EYS: variants seen among roughly 807,000 people sequenced by gnomAD.
EYS encodes protein eyes shut homolog.
EYS carries 250 observed loss-of-function variants against 282.1 expected under a neutral mutation model. The ratio of observed to expected loss-of-function variants is 0.89; its 90% CI spans 0.80 to 0.98. The LOEUF is 0.98. Among genes scored for constraint, EYS ranks in the 50% least tolerant of loss-of-function variants. The pLI, the probability that EYS is intolerant of heterozygous loss-of-function variation, is 0.00. For synonymous variants in EYS, 1,355 were observed against 1,282.9 expected (o/e 1.06, Z -1.20); for missense variants, 4,016 against 3,709.0 (o/e 1.08, Z -2.15).
chr6:64,419,892 A>G (rs1187425242), intron 28 of EYS, among the ~76,000 whole-genome samples: 1 of 152,178 alleles, frequency 6.6e-6, no homozygotes, highest in African/African-American at 2.4e-5. Flanking sequence ...TCTGGAGAAC[A>G]GTGTCTTTCT....
intron 26 of EYS, among the ~76,000 whole-genome samples, chr6:64,452,809 T>C (rs1215413964): frequency 1.3e-5 from 2 of 152,134 alleles, no homozygotes; most frequent in African/African-American, 2.4e-5. Context: ...TAGCCATATG[T>C]AGAAAGCTGA....
At chr6:64,195,951 C>A (rs1301361207) in intron 31 of EYS, among the ~76,000 whole-genome samples, 1 of 152,134 alleles carries the variant, frequency 6.6e-6, no homozygotes, top group Non-Finnish European at 1.5e-5. Context: ...TCAGAGTGAA[C>A]AGGCACCCTA....
chr6:64,154,880 T>C (rs2150297016), intron 31 of EYS, among the ~76,000 whole-genome samples: 1 of 152,324 alleles, frequency 6.6e-6, no homozygotes, highest in Non-Finnish European at 1.5e-5. Context: ...TGAAAACACA[T>C]GGAAATATTA....
chr6:65,120,697 T>G (rs1775520114), intron 12 of EYS, among the ~76,000 whole-genome samples: 1 of 152,162 alleles, frequency 6.6e-6, no homozygotes, highest in Admixed American at 6.5e-5. Flanking sequence ...TATCATCCTC[T>G]CTTTCTGTGA....
intron 22 of EYS, among the ~76,000 whole-genome samples, chr6:64,675,538 C>T (rs1271492346): frequency 1.4e-5 from 2 of 147,542 alleles, no homozygotes; most frequent in Non-Finnish European, 1.5e-5. Flanking sequence ...AGCAATTCTC[C>T]TGCCTCAGCC....
At chr6:65,035,642 C>T (rs1311427301) in intron 13 of EYS, among the ~76,000 whole-genome samples, 1 of 151,776 alleles carries the variant, frequency 6.6e-6, no homozygotes, top group Non-Finnish European at 1.5e-5. Context: ...AAAATTTCTA[C>T]AATGAGAATT....
chr6:64,530,611 C>T (rs368581335), intron 26 of EYS, among the ~76,000 whole-genome samples: 12 of 152,048 alleles, frequency 7.9e-5, no homozygotes, highest in African/African-American at 2.9e-4. Flanking sequence ...TAAAAAGCAT[C>T]ACTTGATATA....
chr6:65,506,476 T>C lies in EYS; in HGVS notation c.-332-10483A>G, dbSNP rs1766662632. 3.9e-4 allele frequency among the ~76,000 whole-genome samples: 5 copies of C among 12,704 alleles called. No homozygotes were observed. The South Asian group carries it at 0.019, about 47-fold the overall frequency. The allele number at this position is 12,704 out of a possible 152,430, so 8.3% of individuals were successfully genotyped here. On this transcript the variant is annotated intron_variant, in intron 2 of 42. Coordinates refer to ENST00000503581, the MANE Select transcript of EYS (RefSeq NM_001142800.2). ...CCTTCCTTTCTTTTTTTTTTTTTTT[T>C]TTTTTTTTTTTTTTTTTTTTTTTTG...
chr6:65,648,395 G>A (rs936307574), intron 1 of EYS, among the ~76,000 whole-genome samples: 5 of 150,670 alleles, frequency 3.3e-5, no homozygotes, highest in Non-Finnish European at 5.9e-5. Flanking sequence ...ATGAAATAAT[G>A]GTATTTGCAG....
rs181327770 is a variant in EYS at position 63,787,731 on chromosome 6, C to T, written c.7723+374G>A. Among the ~76,000 whole-genome samples the T allele has an allele frequency of 2.6e-4, 39 of 152,194 alleles. No homozygotes were observed. The East Asian group carries it at 7.0e-3, about 27-fold the overall frequency. ...CCAAGGCAGGCGGATCACCTGAGGT[C>T]GGGAGTTCGAGACCAGCCTGACCAA... is the stretch of plus-strand genomic sequence containing the variant. On this transcript the variant is annotated intron_variant, in intron 39 of 42. Coordinates refer to ENST00000503581, the MANE Select transcript of EYS (RefSeq NM_001142800.2).
chr6:63,864,275 C>A lies in EYS; in HGVS notation c.7139G>T (p.Cys2380Phe). Residue 2380 changes from cysteine (C) to phenylalanine (F), a missense_variant, in exon 36 of 43, where the codon TGT becomes TTT. Cys to Phe is a radical substitution (Grantham distance 205). Transcript: ENST00000503581. ...TGGAACACAGGTGGCACCATTTCCA[C>A]ATGGGTTGTTTTCACAACTTGCAAA... is the stretch of plus-strand genomic sequence containing the variant. Reference protein sequence around the residue: ...CQFASCENNPCGNGATCVPKS... With the variant: ...CQFASCENNPFGNGATCVPKS... 1 of 1,551,522 alleles carries A rather than the reference C, an allele frequency of 6.4e-7. No homozygotes were observed. Among genetic ancestry groups the A allele is most frequent in the Non-Finnish European group, 8.7e-7 (1 of 1,146,830 alleles).
chr6:65,151,308 G>A (rs148082638), intron 12 of EYS, among the ~76,000 whole-genome samples: 1 of 152,074 alleles, frequency 6.6e-6, no homozygotes, highest in African/African-American at 2.4e-5. Flanking sequence ...AGGGCTTTTA[G>A]GGTCTTCATC....
intron 31 of EYS, among the ~76,000 whole-genome samples, chr6:64,168,200 G>A (rs1364013314): frequency 6.6e-6 from 1 of 152,206 alleles, no homozygotes; most frequent in Non-Finnish European, 1.5e-5. Flanking sequence ...GGGGGAGCTT[G>A]CAGTGAGCCA....
At chr6:64,400,670 A>G (rs1237138315) in intron 28 of EYS, among the ~76,000 whole-genome samples, 1 of 152,102 alleles carries the variant, frequency 6.6e-6, no homozygotes, top group African/African-American at 2.4e-5. Context: ...TTGCTGATGA[A>G]CAGTTTGCTT....
intron 41 of EYS, among the ~76,000 whole-genome samples, chr6:63,740,802 A>G: frequency 6.6e-6 from 1 of 152,218 alleles, no homozygotes; most frequent in East Asian, 1.9e-4. Flanking sequence ...GTCTGCCTCT[A>G]GAAGCAGAGA....
intron 36 of EYS, among the ~76,000 whole-genome samples, chr6:63,860,944 T>G (rs1299685798): frequency 6.6e-6 from 1 of 152,180 alleles, no homozygotes; most frequent in Non-Finnish European, 1.5e-5. Context: ...TTCTTTATAT[T>G]TCTCTTCTAT....
chr6:64,619,357 G>C lies in EYS; in HGVS notation c.3569-1824C>G, dbSNP rs141999226. Among the ~76,000 whole-genome samples the C allele has an allele frequency of 8.3e-4, 126 of 152,270 alleles. 1 individual carries two copies. Among genetic ancestry groups the C allele is most frequent in the African/African-American group, 2.8e-3 (118 of 41,544 alleles). ...AAAATTGCACTGGGCCAGTTATACA[G>C]ACAAAGAAGACTTCATTCAAGAGTA... On this transcript the variant is annotated intron_variant, in intron 23 of 42. Coordinates refer to ENST00000503581, the MANE Select transcript of EYS (RefSeq NM_001142800.2).
intron 23 of EYS, among the ~76,000 whole-genome samples, chr6:64,623,189 T>C (rs1398370469): frequency 6.6e-6 from 1 of 152,160 alleles, no homozygotes; most frequent in Non-Finnish European, 1.5e-5. Flanking sequence ...ATTTAACACG[T>C]TTAACTGTGT....
At chr6:63,945,129 G>A (rs375575402) in intron 35 of EYS, among the ~76,000 whole-genome samples, 7 of 152,186 alleles carry the variant, frequency 4.6e-5, no homozygotes, top group South Asian at 4.2e-4. Flanking sequence ...AGGAATACCC[G>A]AGACTGGGTA....
Sources: gnomAD v4.1 joint callset for allele counts (sites outside exome capture counted in the v4.1 genomes callset) on GRCh38, gnomAD v4.1.1 for gene constraint, MANE v1.5 for transcripts, NCBI Gene and HGNC (gene_info 2026-07-23, HGNC 2026-07-21) for gene names.